Variants in INPP4B observed in about 807,000 individuals in gnomAD.
The protein encoded by INPP4B is inositol polyphosphate-4-phosphatase type II B.
A neutral mutation model predicts 122.5 loss-of-function variants in INPP4B; 55 were observed. The ratio of observed to expected loss-of-function variants is 0.45; its 90% CI spans 0.36 to 0.56. The LOEUF (loss-of-function observed/expected upper bound fraction) is 0.56, where lower values mean the gene tolerates loss of function less well. INPP4B is among the 20% of genes least tolerant of loss of function. The probability of loss-of-function intolerance (pLI) is 0.00; values close to 1 mark genes in which losing one functional copy is unlikely to be tolerated. For missense variants in INPP4B, 1,000 were observed against 1,097.7 expected (o/e 0.91, Z 1.26); for synonymous variants, 403 against 388.7 (o/e 1.04, Z -0.43).
At chr4:142,215,892 C>CAAAAAAAAAAAAAAAAA (rs200657873) in intron 12 of INPP4B, among the ~76,000 whole-genome samples, 3 of 54,578 alleles carry the variant, frequency 5.5e-5, no homozygotes, top group African/African-American at 7.5e-5. Flanking sequence ...GACTCTGTCT[C>CAAAAAAAAAAAAAAAAA]AAAAAAAAAA....
At chr4:142,093,418 A>G (rs1193811444) in intron 23 of INPP4B, among the ~76,000 whole-genome samples, 1 of 152,222 alleles carries the variant, frequency 6.6e-6, no homozygotes, top group Non-Finnish European at 1.5e-5. Context: ...AACTTGAGGT[A>G]GCTTGTTATC....
At chr4:142,200,940 T>C (rs1009956110) in intron 14 of INPP4B, among the ~76,000 whole-genome samples, 15 of 152,036 alleles carry the variant, frequency 9.9e-5, no homozygotes, top group Admixed American at 9.8e-4. Context: ...ACACTAGATA[T>C]GGTTTATGTC....
chr4:142,642,838 A>G (rs1159325786), intron 2 of INPP4B, among the ~76,000 whole-genome samples: 10 of 152,148 alleles, frequency 6.6e-5, no homozygotes, highest in Non-Finnish European at 1.3e-4. Flanking sequence ...GATGGCATTG[A>G]ATCTATAAAT....
At chr4:142,076,674 T>C (rs1315135604) in intron 25 of INPP4B, among the ~76,000 whole-genome samples, 1 of 152,032 alleles carries the variant, frequency 6.6e-6, no homozygotes, top group African/African-American at 2.4e-5. Context: ...CACACCAACA[T>C]GGCACATGTA....
At chr4:142,145,711 TG>T (rs778628883) in intron 18 of INPP4B, 128 bp downstream of exon 18, 13 of 863,388 alleles carry the variant, frequency 1.5e-5, no homozygotes, top group Non-Finnish European at 2.2e-5. Flanking sequence ...GCCAGAGCAG[TG>T]GAAAAGCATG....
chr4:142,724,147 C>G (rs1189137880), intron 2 of INPP4B, among the ~76,000 whole-genome samples: 1 of 152,122 alleles, frequency 6.6e-6, no homozygotes, highest in African/African-American at 2.4e-5. Flanking sequence ...AATTCTATCC[C>G]ATGAATGGGA....
rs1823312970 is a variant in INPP4B at position 142,501,091 on chromosome 4, T to C, written c.-190-38365A>G. Reference sequence around the variant, plus strand: ...GATAGTGCCCCAATCTCCCAGTCTCTGTAGAAGGGTGAGTGCCTAACTTCC... The same window carrying C: ...GATAGTGCCCCAATCTCCCAGTCTCCGTAGAAGGGTGAGTGCCTAACTTCC... On this transcript the variant is annotated intron_variant, in intron 2 of 25. Coordinates refer to ENST00000262992, the MANE Select transcript of INPP4B (RefSeq NM_001101669.3). Among the ~76,000 whole-genome samples, 3 of 152,158 alleles carry C rather than the reference T, an allele frequency of 2.0e-5. No homozygotes were observed. In the South Asian group the frequency reaches 6.2e-4, roughly 32 times the overall value.
chr4:142,099,214 A>G (rs1404185393), intron 23 of INPP4B, among the ~76,000 whole-genome samples: 2 of 152,096 alleles, frequency 1.3e-5, no homozygotes, highest in Non-Finnish European at 2.9e-5. Flanking sequence ...TTCCACTTTT[A>G]TCTACTCTTT....
At chr4:142,655,201 A>G (rs1227008287) in intron 2 of INPP4B, among the ~76,000 whole-genome samples, 1 of 152,188 alleles carries the variant, frequency 6.6e-6, no homozygotes, top group Non-Finnish European at 1.5e-5. Flanking sequence ...TATAGCATCA[A>G]TTTTCCTGGT....
intron 2 of INPP4B, among the ~76,000 whole-genome samples, chr4:142,581,359 G>A (rs1735011973): frequency 6.6e-6 from 1 of 151,810 alleles, no homozygotes. Context: ...GGAAACCAAG[G>A]GCAAGCAAAC....
chr4:142,844,229 G>A (rs752655355), intron 1 of INPP4B, among the ~76,000 whole-genome samples: 45 of 152,140 alleles, frequency 3.0e-4, no homozygotes, highest in Non-Finnish European at 6.2e-4. Flanking sequence ...TTTATAAAGA[G>A]TCAAAAGCAA....
chr4:142,547,806 T>G (rs1726968355), intron 2 of INPP4B, among the ~76,000 whole-genome samples: 1 of 152,130 alleles, frequency 6.6e-6, no homozygotes, highest in African/African-American at 2.4e-5. Flanking sequence ...GGAAAACAAA[T>G]TTAGGGACCA....
At chr4:142,620,142 T>A (rs932426957) in intron 2 of INPP4B, among the ~76,000 whole-genome samples, 6 of 151,892 alleles carry the variant, frequency 4.0e-5, no homozygotes, top group African/African-American at 1.4e-4. Flanking sequence ...GCCCAACAAT[T>A]CCAACAATGG....
chr4:142,206,351 CTCTCT>C (rs541662839), intron 14 of INPP4B, among the ~76,000 whole-genome samples: 15 of 97,310 alleles, frequency 1.5e-4, no homozygotes, highest in East Asian at 1.4e-3. Flanking sequence ...ATCTCTCTCT[CTCTCT>C]TTTTTTTTTT....
At chr4:142,725,678 T>A (rs554945218) in intron 2 of INPP4B, among the ~76,000 whole-genome samples, 161 bp downstream of exon 2, 2 of 152,226 alleles carry the variant, frequency 1.3e-5, no homozygotes, top group Non-Finnish European at 2.9e-5. Context: ...GTTCACTTTA[T>A]CAATCTGATG....
At chr4:142,671,951 GATA>G (rs1197189275) in intron 2 of INPP4B, among the ~76,000 whole-genome samples, 9 of 152,024 alleles carry the variant, frequency 5.9e-5, no homozygotes, top group Non-Finnish European at 1.0e-4. Flanking sequence ...AGCAACCACT[GATA>G]ATATTTTCTG....
rs545668813 is a variant in INPP4B at position 142,638,399 on chromosome 4, T to C, written c.-191+87440A>G. 6.8e-4 allele frequency among the ~76,000 whole-genome samples: 103 copies of C among 152,264 alleles called. 1 individual carries two copies. The highest frequency in any genetic ancestry group is 2.4e-3 in the African/African-American group (98 of 41,568). On this transcript the variant is annotated intron_variant, in intron 2 of 25. Coordinates refer to ENST00000262992, the MANE Select transcript of INPP4B (RefSeq NM_001101669.3). ...TATAAAATCTGTGTCTAAAATAATT[T>C]TTTGCCTGTGTTATTGTAGTACTAT...
At chr4:142,221,803 G>A (rs1235100847) in intron 12 of INPP4B, among the ~76,000 whole-genome samples, 1 of 152,126 alleles carries the variant, frequency 6.6e-6, no homozygotes, top group Non-Finnish European at 1.5e-5. Flanking sequence ...GAAACTAAAT[G>A]TTTAATTGTA....
At chr4:142,770,262 C>T (rs35918867) in intron 1 of INPP4B, among the ~76,000 whole-genome samples, 4,412 of 152,188 alleles carry the variant, frequency 0.029, 73 homozygotes, top group South Asian at 0.05. Flanking sequence ...GAAGTAAAGC[C>T]ATCAACCTTG....
Sources: gnomAD v4.1 joint callset for allele counts (sites outside exome capture counted in the v4.1 genomes callset) on GRCh38, gnomAD v4.1.1 for gene constraint, MANE v1.5 for transcripts, NCBI Gene and HGNC (gene_info 2026-07-23, HGNC 2026-07-21) for gene names.